CHSY3: variants seen among roughly 807,000 people sequenced by gnomAD.
CHSY3 encodes N-acetylgalactosaminyl-proteoglycan 3-beta-glucuronosyltransferase 3.
A neutral mutation model predicts 67.2 loss-of-function variants in CHSY3; 35 were observed. That is an observed-to-expected ratio of 0.52 (90% CI 0.40 to 0.69). The LOEUF (loss-of-function observed/expected upper bound fraction) is 0.69. CHSY3 is among the 30% of genes least tolerant of loss of function. The probability of loss-of-function intolerance (pLI) is 0.00; values close to 1 mark genes in which losing one functional copy is unlikely to be tolerated. For synonymous variants in CHSY3, 474 were observed against 434.7 expected (o/e 1.09, Z -1.12); for missense variants, 1,069 against 1,138.5 (o/e 0.94, Z 0.88).
At chr5:130,121,971 T>C (rs989168657) in intron 2 of CHSY3, among the ~76,000 whole-genome samples, 3 of 152,032 alleles carry the variant, frequency 2.0e-5, no homozygotes, top group Non-Finnish European at 4.4e-5. Context: ...AGTTCACCAA[T>C]CCAGCATCTA....
chr5:130,050,680 A>C (rs541849750), intron 2 of CHSY3, among the ~76,000 whole-genome samples: 1 of 152,112 alleles, frequency 6.6e-6, no homozygotes, highest in Non-Finnish European at 1.5e-5. Flanking sequence ...CAAGTTCTAG[A>C]TAAGAACCTG....
chr5:130,095,637 A>C (rs1013251404), intron 2 of CHSY3, among the ~76,000 whole-genome samples: 4 of 152,248 alleles, frequency 2.6e-5, no homozygotes, highest in African/African-American at 9.6e-5. Context: ...CAAAATTATA[A>C]ATAGAAAATC....
chr5:130,093,737 A>C (rs1766955247), intron 2 of CHSY3, among the ~76,000 whole-genome samples: 1 of 152,144 alleles, frequency 6.6e-6, no homozygotes, highest in African/African-American at 2.4e-5. Context: ...TATCTCAAGA[A>C]CACAGCATCT....
chr5:130,143,732 GTGTATA>G (rs1199547656), intron 2 of CHSY3, among the ~76,000 whole-genome samples: 19 of 99,272 alleles, frequency 1.9e-4, no homozygotes, highest in African/African-American at 1.2e-4. Context: ...GTGTGTGTGT[GTGTATA>G]TATATATATA....
intron 2 of CHSY3, among the ~76,000 whole-genome samples, chr5:130,097,871 T>G (rs997023128): frequency 3.3e-5 from 5 of 151,700 alleles, no homozygotes; most frequent in African/African-American, 1.2e-4. Flanking sequence ...CCGGGCATGG[T>G]GGTGGGCGCC....
chr5:130,086,249 C>G (rs1333669315), intron 2 of CHSY3, among the ~76,000 whole-genome samples: 5 of 151,930 alleles, frequency 3.3e-5, no homozygotes, highest in Admixed American at 1.3e-4. Flanking sequence ...GAGTCTAAGT[C>G]TCTTTGTAGG....
intron 2 of CHSY3, among the ~76,000 whole-genome samples, chr5:130,040,472 T>C (rs1190035314): frequency 1.3e-5 from 2 of 152,166 alleles, no homozygotes; most frequent in Non-Finnish European, 2.9e-5. Context: ...ATGGTTAAAC[T>C]GTCAAAACTG....
Position 130,004,288 on chromosome 5 carries a change from T to G in CHSY3, c.1086+95928T>G, listed in dbSNP as rs73785845. Among the ~76,000 whole-genome samples, 823 of 152,332 alleles carry G rather than the reference T, an allele frequency of 5.4e-3. 5 individuals are homozygous for G. Among genetic ancestry groups the G allele is most frequent in the African/African-American group, 0.019 (783 of 41,592 alleles). ...CTGAACCACGCAACATAAAGTTGAC[T>G]GCTGAGTGGCAAATAATGAATAATG... On this transcript the variant is annotated intron_variant, in intron 2 of 2. Coordinates refer to ENST00000305031, the MANE Select transcript of CHSY3 (RefSeq NM_175856.5).
At chr5:130,104,927 CTTATT>C (rs1767368911) in intron 2 of CHSY3, among the ~76,000 whole-genome samples, 3 of 151,754 alleles carry the variant, frequency 2.0e-5, no homozygotes, top group Admixed American at 2.0e-4. Context: ...GCCTGAGACT[CTTATT>C]CTCATATCCA....
chr5:130,142,818 G>A lies in CHSY3; in HGVS notation c.1087-41411G>A, dbSNP rs145602236. The stretch of plus-strand genomic sequence containing the variant: ...GTGAGTGTTCAGTGGGACTGGAAGG[G>A]CCAAGGCTCAGAAAATAGGGCAGAG... On this transcript the variant is annotated intron_variant, in intron 2 of 2. Transcript: ENST00000305031. Among the ~76,000 whole-genome samples, 237 of 152,272 alleles carry A rather than the reference G, an allele frequency of 1.6e-3. 2 individuals are homozygous for A. Among genetic ancestry groups the A allele is most frequent in the African/African-American group, 5.4e-3 (226 of 41,552 alleles).
chr5:130,120,486 GAAAAAAAAA>G (rs34727574), intron 2 of CHSY3, among the ~76,000 whole-genome samples: 106 of 95,836 alleles, frequency 1.1e-3, no homozygotes, highest in Admixed American at 2.9e-3. Flanking sequence ...ATTTCTGAAA[GAAAAAAAAA>G]AAAAAAAAAA....
intron 2 of CHSY3, among the ~76,000 whole-genome samples, chr5:130,062,602 C>A (rs1474560224): frequency 6.6e-6 from 1 of 152,014 alleles, no homozygotes; most frequent in East Asian, 1.9e-4. Context: ...TTCTAAGGTA[C>A]ATGTGCATAC....
intron 2 of CHSY3, among the ~76,000 whole-genome samples, chr5:129,916,426 C>T (rs573874390): frequency 3.9e-5 from 6 of 151,986 alleles, no homozygotes; most frequent in Admixed American, 1.3e-4. Flanking sequence ...AATGTGGTCA[C>T]CTAGCTACTG....
At chr5:130,036,372 C>T (rs527345455) in intron 2 of CHSY3, among the ~76,000 whole-genome samples, 67 of 152,168 alleles carry the variant, frequency 4.4e-4, no homozygotes, top group African/African-American at 1.2e-3. Context: ...GCTAGCATAT[C>T]GTAGCTAATC....
intron 2 of CHSY3, among the ~76,000 whole-genome samples, chr5:130,032,448 C>A (rs1764729324): frequency 6.6e-6 from 1 of 152,084 alleles, no homozygotes; most frequent in African/African-American, 2.4e-5. Flanking sequence ...TTTGCCTAGG[C>A]TTTCCTCAGA....
chr5:130,098,451 T>A (rs1415618317), intron 2 of CHSY3, among the ~76,000 whole-genome samples: 1 of 152,148 alleles, frequency 6.6e-6, no homozygotes, highest in African/African-American at 2.4e-5. Flanking sequence ...TACTACCAAA[T>A]CACCAAGGAT....
chr5:130,053,278 C>CA (rs548258367), intron 2 of CHSY3, among the ~76,000 whole-genome samples: 203 of 152,056 alleles, frequency 1.3e-3, no homozygotes, highest in Non-Finnish European at 2.4e-3. Flanking sequence ...AAAATATAGA[C>CA]AATGAGGGCA....
chr5:130,075,246 G>T (rs975117831), intron 2 of CHSY3, among the ~76,000 whole-genome samples: 10 of 151,862 alleles, frequency 6.6e-5, no homozygotes, highest in South Asian at 2.1e-4. Flanking sequence ...TATAATCTTG[G>T]GCTTAAAATT....
chr5:130,016,521 A>G (rs1764224422), intron 2 of CHSY3, among the ~76,000 whole-genome samples: 1 of 109,216 alleles, frequency 9.2e-6, no homozygotes, highest in Non-Finnish European at 2.3e-5. Flanking sequence ...AAGTGATTCT[A>G]CTGCCTCAGC....
Sources: gnomAD v4.1 joint callset for allele counts (sites outside exome capture counted in the v4.1 genomes callset) on GRCh38, gnomAD v4.1.1 for gene constraint, MANE v1.5 for transcripts, NCBI Gene and HGNC (gene_info 2026-07-23, HGNC 2026-07-21) for gene names.